TPRG1: variants seen among roughly 807,000 people sequenced by gnomAD.
The protein encoded by TPRG1 is tumor protein p63 regulated 1, also known as tumor protein p63-regulated gene 1 protein.
TPRG1 carries 29 observed loss-of-function variants against 29.3 expected under a neutral mutation model. That is an observed-to-expected ratio of 0.99 (90% CI 0.74 to 1.35). The LOEUF (loss-of-function observed/expected upper bound fraction) is 1.35, where lower values mean the gene tolerates loss of function less well. Among genes scored for constraint, TPRG1 ranks in the 40% most tolerant of loss-of-function variants. The pLI is 0.00. For synonymous variants in TPRG1, 130 were observed against 116.8 expected (o/e 1.11, Z -0.73); for missense variants, 327 against 335.0 (o/e 0.98, Z 0.19).
intron 5 of TPRG1, among the ~76,000 whole-genome samples, chr3:189,156,092 C>G (rs1323157981): frequency 6.6e-6 from 1 of 151,990 alleles, no homozygotes; most frequent in Admixed American, 6.6e-5. Flanking sequence ...ACATTGTACA[C>G]CTTAAATATA....
At chr3:189,071,330 G>A (rs917144538) in intron 4 of TPRG1, among the ~76,000 whole-genome samples, 2 of 152,088 alleles carry the variant, frequency 1.3e-5, no homozygotes, top group Non-Finnish European at 2.9e-5. Flanking sequence ...TTTTAGTTTA[G>A]TTTAATGTCA....
rs574570076 is a variant in TPRG1, at chr3:189,131,920, C to T, written c.-589-479C>T. Reference sequence around the variant, plus strand: ...GCCAATGGTTAATTTCTGTCTCAAGCTATTCAAAGGAATACTAACTAAGAT... The same window carrying T: ...GCCAATGGTTAATTTCTGTCTCAAGTTATTCAAAGGAATACTAACTAAGAT... On this transcript the variant is annotated intron_variant, in intron 2 of 6. Coordinates refer to the TPRG1 transcript ENST00000412373. Among the ~76,000 whole-genome samples, 6 of 152,256 alleles carry T rather than the reference C, an allele frequency of 3.9e-5. No individual in the cohort carries two copies. The East Asian group carries it at 1.2e-3, about 29-fold the overall frequency.
chr3:189,094,587 C>T (rs1169534217), intron 4 of TPRG1, among the ~76,000 whole-genome samples: 2 of 152,166 alleles, frequency 1.3e-5, no homozygotes, highest in Non-Finnish European at 2.9e-5. Flanking sequence ...TCACAGACTC[C>T]GGCTTGCATC....
At chr3:189,078,129 CTTTCTTT>C in intron 4 of TPRG1, among the ~76,000 whole-genome samples, 1 of 86,236 alleles carries the variant, frequency 1.2e-5, no homozygotes. Context: ...TTCTTTCTTT[CTTTCTTT>C]CCTTTCTTTT....
chr3:189,073,209 A>G (rs746956653), intron 4 of TPRG1, among the ~76,000 whole-genome samples: 3 of 152,160 alleles, frequency 2.0e-5, no homozygotes, highest in Non-Finnish European at 2.9e-5. Flanking sequence ...AGAAGTTTCT[A>G]TTTCTCTGAA....
intron 4 of TPRG1, among the ~76,000 whole-genome samples, chr3:189,024,395 G>A (rs1713544549): frequency 6.6e-6 from 1 of 151,994 alleles, no homozygotes; most frequent in African/African-American, 2.4e-5. Flanking sequence ...GTAGTAGCCT[G>A]CCCCTCTCCC....
intron 4 of TPRG1, among the ~76,000 whole-genome samples, chr3:189,306,661 G>C (rs909253303): frequency 6.6e-6 from 1 of 152,154 alleles, no homozygotes; most frequent in South Asian, 2.1e-4. Context: ...GTCTTCAAAA[G>C]TAGCTCAAAA....
chr3:189,030,058 A>C (rs1157837421), intron 4 of TPRG1, among the ~76,000 whole-genome samples: 1 of 152,152 alleles, frequency 6.6e-6, no homozygotes, highest in Non-Finnish European at 1.5e-5. Flanking sequence ...GTACGGGAGG[A>C]GAAACCAGAG....
chr3:189,013,793 T>C (rs940339754), intron 3 of TPRG1, among the ~76,000 whole-genome samples: 5 of 152,182 alleles, frequency 3.3e-5, no homozygotes, highest in African/African-American at 9.7e-5. Context: ...TCTTTGTCTT[T>C]TTTTGACTTT....
chr3:189,043,225 G>A (rs1714742855), intron 4 of TPRG1, among the ~76,000 whole-genome samples: 1 of 152,192 alleles, frequency 6.6e-6, no homozygotes, highest in Non-Finnish European at 1.5e-5. Context: ...GCCTCATGGT[G>A]CCTGAGTTTT....
intron 3 of TPRG1, among the ~76,000 whole-genome samples, chr3:189,011,690 A>C (rs1341589112): frequency 6.6e-6 from 1 of 152,160 alleles, no homozygotes; most frequent in Admixed American, 6.5e-5. Flanking sequence ...CCATCCCACA[A>C]CATGTGGGAA....
chr3:189,278,217 C>T (rs1489489556), intron 4 of TPRG1, among the ~76,000 whole-genome samples: 1 of 152,104 alleles, frequency 6.6e-6, no homozygotes, highest in African/African-American at 2.4e-5. Context: ...GCTTTGACCC[C>T]AAGTCTCAGG....
At chr3:189,152,468 G>C (rs970617622) in intron 5 of TPRG1, among the ~76,000 whole-genome samples, 6 of 152,174 alleles carry the variant, frequency 3.9e-5, no homozygotes, top group African/African-American at 1.4e-4. Flanking sequence ...GATGTGTGAT[G>C]GTGGGACAGG....
At chr3:189,140,266 C>T (rs1202194594) in intron 3 of TPRG1, among the ~76,000 whole-genome samples, 3 of 152,244 alleles carry the variant, frequency 2.0e-5, no homozygotes, top group African/African-American at 7.2e-5. Flanking sequence ...TGGCTAAAAG[C>T]GTAGGCTCCT....
chr3:189,283,100 T>C (rs1266170659), intron 4 of TPRG1, among the ~76,000 whole-genome samples: 5 of 152,246 alleles, frequency 3.3e-5, no homozygotes, highest in Non-Finnish European at 7.3e-5. Flanking sequence ...CAAGGTGAAA[T>C]AATGTATTGG....
At chr3:189,017,159 G>A (rs1048627415) in intron 3 of TPRG1, among the ~76,000 whole-genome samples, 2 of 143,998 alleles carry the variant, frequency 1.4e-5, no homozygotes, top group African/African-American at 5.2e-5. Flanking sequence ...TTCTAATCTT[G>A]TCTGCCTGTC....
chr3:189,127,950 C>T (rs959274174), intron 2 of TPRG1, among the ~76,000 whole-genome samples: 2 of 152,116 alleles, frequency 1.3e-5, no homozygotes, highest in Non-Finnish European at 2.9e-5. Flanking sequence ...ATTCTTTCCC[C>T]AAAACCTCAC....
intron 3 of TPRG1, among the ~76,000 whole-genome samples, chr3:189,140,049 C>T (rs1724333149): frequency 6.6e-6 from 1 of 152,128 alleles, no homozygotes. Flanking sequence ...GATCTATGCA[C>T]ACACACACAG....
At chr3:189,112,868 C>T (rs4432633) in intron 1 of TPRG1, among the ~76,000 whole-genome samples, 54,325 of 151,860 alleles carry the variant, frequency 0.36, 11,523 homozygotes, top group African/African-American at 0.57. Flanking sequence ...GGCTCTTTTT[C>T]GGTTCCATAT....
Sources: allele counts gnomAD v4.1 joint callset (sites outside exome capture counted in the v4.1 genomes callset), GRCh38; gene constraint gnomAD v4.1.1; transcripts MANE v1.5; gene names NCBI Gene and HGNC (gene_info 2026-07-23, HGNC 2026-07-21).